NAP1L4: variants seen among roughly 807,000 people sequenced by gnomAD.
NAP1L4 encodes nucleosome assembly protein 1-like 4.
A neutral mutation model predicts 58.2 loss-of-function variants in NAP1L4; 15 were observed. That is an observed-to-expected ratio of 0.26 (90% CI 0.17 to 0.40). The LOEUF (loss-of-function observed/expected upper bound fraction) is 0.40. Among genes scored for constraint, NAP1L4 ranks in the 10% least tolerant of loss-of-function variants. NAP1L4 has a pLI of 1.00. For missense variants in NAP1L4, 384 were observed against 451.1 expected, an observed-to-expected ratio of 0.85 and a Z score of 1.35; for synonymous variants, 171 against 155.6, an observed-to-expected ratio of 1.10 and a Z score of -0.74.
chr11:2,947,421 T>C (rs1845993182), intron 15 of NAP1L4, among the ~76,000 whole-genome samples: 2 of 152,224 alleles, frequency 1.3e-5, no homozygotes, highest in Admixed American at 1.3e-4. Flanking sequence ...GCCATGCACC[T>C]GACTCTGGGA....
chr11:2,968,754 G>A (rs1194974916), intron 7 of NAP1L4, among the ~76,000 whole-genome samples: 1 of 152,214 alleles, frequency 6.6e-6, no homozygotes, highest in Non-Finnish European at 1.5e-5. Flanking sequence ...TCCTGAGCAA[G>A]TCTGAATGCA....
Position 2,954,502 on chromosome 11 carries a change from A to G in NAP1L4, c.1035+25T>C. On this transcript the variant is annotated intron_variant, in intron 12 of 15. Transcript: ENST00000380542. The surrounding 1 kb of genome is among the most constrained non-coding windows in gnomAD (Gnocchi z 4.8). ...CAACAGAGATAAGCACCCAGGTGGA[A>G]GCCCCCCTTCCCCGAGCCTCATACA... 1 of 1,613,162 alleles carries G rather than the reference A, an allele frequency of 6.2e-7. No homozygotes were observed. The highest frequency in any genetic ancestry group is 8.5e-7 in the Non-Finnish European group (1 of 1,179,170).
Position 2,944,492 on chromosome 11 carries a change from A to G in NAP1L4, c.*1187T>C, listed in dbSNP as rs1298977718. ...TAACTATTCTGTACAAATTGAAAAC[A>G]CTGTATTCAGTTACAAATGTGTTCT... On this transcript the variant is annotated 3_prime_UTR_variant, in exon 16 of 16. Coordinates refer to ENST00000380542, the MANE Select transcript of NAP1L4 (RefSeq NM_005969.4). 6.6e-6 allele frequency: 1 copy of G among 152,292 alleles called. No homozygotes were observed. The highest frequency in any genetic ancestry group is 2.4e-5 in the African/African-American group (1 of 41,468). The allele number at this position is 152,292 out of a possible 1,614,324, so 9.4% of individuals were successfully genotyped here.
At chr11:2,980,593 T>C (rs1848244932) in intron 1 of NAP1L4, among the ~76,000 whole-genome samples, 1 of 152,200 alleles carries the variant, frequency 6.6e-6, no homozygotes, top group African/African-American at 2.4e-5. Flanking sequence ...CGAAGTTCCT[T>C]AAACTCAGAT....
At chr11:2,989,925 C>A (rs1848854195) in intron 1 of NAP1L4, 1 of 152,200 alleles carries the variant, frequency 6.6e-6, no homozygotes, top group Non-Finnish European at 1.5e-5. Flanking sequence ...TTGCAAAACA[C>A]AATGCCCTGT....
rs1200745620 is a variant in NAP1L4, at chr11:2,955,564, C to A, written c.915+180G>T. Among the ~76,000 whole-genome samples the A allele has an allele frequency of 6.6e-6, 1 of 151,980 alleles. No homozygotes were observed. Among genetic ancestry groups the A allele is most frequent in the Non-Finnish European group, 1.5e-5 (1 of 67,986 alleles). Reference sequence around the variant, plus strand: ...ATGGGGTTGTGCTATGTTGCCCAGGCTGGTCTCAAACTCCTGGACTCGTGC... The same window carrying A: ...ATGGGGTTGTGCTATGTTGCCCAGGATGGTCTCAAACTCCTGGACTCGTGC... On this transcript the variant is annotated intron_variant, in intron 11 of 15. Transcript: ENST00000380542. This position sits in a 1 kb window ranked among gnomAD's most constrained non-coding sequence, Gnocchi z 4.2.
rs576944897 is a variant in NAP1L4, at chr11:2,965,469, G to C, written c.535-718C>G. On this transcript the variant is annotated intron_variant, in intron 7 of 15. Coordinates refer to ENST00000380542, the MANE Select transcript of NAP1L4 (RefSeq NM_005969.4). ...TATGGTATCATAATCTTACAGGACC[G>C]CCATCCTATATGCAGTCTGTTGTGA... is the stretch of plus-strand genomic sequence containing the variant. Among the ~76,000 whole-genome samples the C allele has an allele frequency of 3.9e-5, 6 of 152,266 alleles. No individual in the cohort carries two copies. In the South Asian group the frequency reaches 1.2e-3, roughly 32 times the overall value.
rs2133948977 is a variant in NAP1L4, at chr11:2,964,679, C to A, written c.606+1G>T. ...AACCAGAAGGTCAAGTCAGTACTCA[C>A]CATAGGCTGTCCAGGGTCAGAAAAT... On this transcript the variant is annotated splice_donor_variant, in intron 8 of 15. Coordinates refer to ENST00000380542, the MANE Select transcript of NAP1L4 (RefSeq NM_005969.4). LOFTEE classifies it high-confidence loss of function. The A allele has an allele frequency of 6.2e-7, 1 of 1,613,268 alleles. No homozygotes were observed. The highest frequency in any genetic ancestry group is 8.5e-7 in the Non-Finnish European group (1 of 1,179,314).
rs897349531 is a variant in NAP1L4 at position 2,986,246 on chromosome 11, C to T, written c.-18+6008G>A. 5.3e-5 allele frequency among the ~76,000 whole-genome samples: 8 copies of T among 152,106 alleles called. No individual in the cohort carries two copies. The East Asian group carries it at 9.7e-4, about 18-fold the overall frequency. On this transcript the variant is annotated intron_variant, in intron 1 of 15. Transcript: ENST00000380542. ...AAAATCAGCTGGGCATGGTGGCACA[C>T]GCCTGAGGTCCCAGCTACTCAGGAG... is the stretch of plus-strand genomic sequence containing the variant.
chr11:2,980,815 T>A (rs1848255223), intron 1 of NAP1L4, among the ~76,000 whole-genome samples: 1 of 152,208 alleles, frequency 6.6e-6, no homozygotes, highest in Non-Finnish European at 1.5e-5. Context: ...TTTTTTAAAA[T>A]TTTTATTGTT....
chr11:2,975,293 A>C (rs1847885303), intron 4 of NAP1L4, among the ~76,000 whole-genome samples: 1 of 152,174 alleles, frequency 6.6e-6, no homozygotes, highest in Non-Finnish European at 1.5e-5. Flanking sequence ...CTCCAGCCTG[A>C]ACAACAGTGA....
chr11:2,975,904 G>A (rs1414315266), intron 4 of NAP1L4, 120 bp downstream of exon 4: 6 of 873,050 alleles, frequency 6.9e-6, no homozygotes, highest in Non-Finnish European at 1.0e-5. Flanking sequence ...GTCTCTCATA[G>A]ACAATGTCTT....
chr11:2,977,560 A>G (rs1028609358), intron 3 of NAP1L4, among the ~76,000 whole-genome samples: 1 of 152,212 alleles, frequency 6.6e-6, no homozygotes, highest in Non-Finnish European at 1.5e-5. Context: ...AACAAAACGC[A>G]TGATCCTTGA....
chr11:2,954,370 T>TC lies in NAP1L4; in HGVS notation c.1035+156dup, dbSNP rs1590222141. On this transcript the variant is annotated intron_variant, in intron 12 of 15. Transcript: ENST00000380542. The surrounding 1 kb of genome is among the most constrained non-coding windows in gnomAD (Gnocchi z 4.8). ...TCAGACTTCTCCTCTTCAAGCGTAT[T>TC]CCCCCCACAACAAGGACAGCAGCTT... The TC allele has an allele frequency of 8.4e-6, 9 of 1,069,634 alleles. No homozygotes were observed. The highest frequency in any genetic ancestry group is 2.6e-5 in the East Asian group (1 of 38,882). 66.3% of individuals were successfully genotyped at this position (1,069,634 alleles called of 1,614,324 possible). A position where few individuals can be genotyped will look rare whatever the true frequency, so the allele number is the denominator to read the frequency against.
rs369497821 is a variant in NAP1L4 at position 2,964,317 on chromosome 11, T to C, written c.606+363A>G. Among the ~76,000 whole-genome samples the C allele has an allele frequency of 1.2e-4, 18 of 152,296 alleles. No homozygotes were observed. In the East Asian group the frequency reaches 2.5e-3, roughly 21 times the overall value. ...ACAAACAAACTACAAGACCAAGGCC[T>C]GGCACAGTGGACAGCACCACTACAG... On this transcript the variant is annotated intron_variant, in intron 8 of 15. Transcript: ENST00000380542.
At chr11:2,991,918 C>T (rs1190367343) in intron 1 of NAP1L4, 1 of 152,136 alleles carries the variant, frequency 6.6e-6, no homozygotes, top group Non-Finnish European at 1.5e-5. Context: ...GTCTTCGCCT[C>T]CTCCAAGGGG....
intron 8 of NAP1L4, 130 bp from the exon 9 acceptor site, chr11:2,960,039 A>C: frequency 1.6e-5 from 15 of 920,646 alleles, no homozygotes; most frequent in Non-Finnish European, 1.3e-5. Context: ...GAACAAGAAA[A>C]ACTTCTCCAC....
In NAP1L4 at chr11:2,957,457, A is replaced by G. The variant is rs146453403; in HGVS notation, c.892+942T>C. On this transcript the variant is annotated intron_variant, in intron 10 of 15. Coordinates refer to ENST00000380542, the MANE Select transcript of NAP1L4 (RefSeq NM_005969.4). ...CAGAGACAAAATCAAAAAATCAATC[A>G]CTCAGACTGGAGAAGAGATCCGCCC... Among the ~76,000 whole-genome samples, 21 of 152,274 alleles carry G rather than the reference A, an allele frequency of 1.4e-4. No individual in the cohort carries two copies. The East Asian group carries it at 3.5e-3, about 25-fold the overall frequency.
At chr11:2,985,107 A>G (rs1271605077) in intron 1 of NAP1L4, among the ~76,000 whole-genome samples, 1 of 152,246 alleles carries the variant, frequency 6.6e-6, no homozygotes, top group African/African-American at 2.4e-5. Context: ...GCATGAAACA[A>G]AGTTTTAACT....
Sources: gnomAD v4.1 joint callset for allele counts (sites outside exome capture counted in the v4.1 genomes callset) on GRCh38, gnomAD v4.1.1 for gene constraint, Gnocchi (gnomAD v3.1) non-coding constraint, MANE v1.5 for transcripts, NCBI Gene and HGNC (gene_info 2026-07-23, HGNC 2026-07-21) for gene names.